The following TPTE2 variants were observed in gnomAD, a reference collection of about 807,000 sequenced individuals.
The protein encoded by TPTE2 is transmembrane phosphoinositide 3-phosphatase and tensin homolog 2.
TPTE2 carries 53 observed loss-of-function variants against 78.6 expected under a neutral mutation model. The ratio of observed to expected loss-of-function variants is 0.67; its 90% CI spans 0.54 to 0.85. TPTE2 has a LOEUF of 0.85. TPTE2 is among the 40% of genes least tolerant of loss of function. The pLI, the probability that TPTE2 is intolerant of heterozygous loss-of-function variation, is 0.00. For synonymous variants in TPTE2, 175 were observed against 206.2 expected (o/e 0.85, Z 1.30); for missense variants, 461 against 623.0 (o/e 0.74, Z 2.77).
exon 16 of TPTE2, chr13:19,432,568 A>G (rs1290589475): frequency 1.9e-6 from 3 of 1,597,930 alleles, no homozygotes; most frequent in Non-Finnish European, 2.6e-6. Flanking sequence ...AAAATATCCA[A>G]CATATCTATT....
At chr13:19,466,990 C>A (rs1879308187) in intron 7 of TPTE2, among the ~76,000 whole-genome samples, 1 of 152,118 alleles carries the variant, frequency 6.6e-6, no homozygotes, top group East Asian at 1.9e-4. Flanking sequence ...TTGGGTACTG[C>A]CATCTTCTTT....
chr13:19,436,670 C>T (rs1877113548), intron 14 of TPTE2, among the ~76,000 whole-genome samples: 1 of 152,206 alleles, frequency 6.6e-6, no homozygotes, highest in Non-Finnish European at 1.5e-5. Flanking sequence ...CTGCCTCAGC[C>T]TCCCAAAGTG....
intron 13 of TPTE2, among the ~76,000 whole-genome samples, chr13:19,441,440 C>T (rs1031170628): frequency 2.7e-4 from 41 of 150,878 alleles, no homozygotes; most frequent in Admixed American, 2.4e-3. Context: ...AATCTAAGCT[C>T]AAAAAGAAAA....
At chr13:19,468,025 CTTTTTTTTTTTTTTTTTTTTT>C (rs71092364) in intron 6 of TPTE2, among the ~76,000 whole-genome samples, 1 of 45,538 alleles carries the variant, frequency 2.2e-5, no homozygotes, top group African/African-American at 9.4e-5. Context: ...GACAGGATCT[CTTTTTTTTTTTTTTTTTTTTT>C]TTTTTTTTTT....
chr13:19,446,714 G>A (rs1450171670), intron 13 of TPTE2, among the ~76,000 whole-genome samples: 1 of 152,150 alleles, frequency 6.6e-6, no homozygotes, highest in Non-Finnish European at 1.5e-5. Flanking sequence ...GCTGAGGTGG[G>A]TGGATCACTT....
chr13:19,495,705 C>CGATATCACCATGCCTACTAG, intron 1 of TPTE2, among the ~76,000 whole-genome samples: 1 of 152,310 alleles, frequency 6.6e-6, no homozygotes, highest in South Asian at 2.1e-4. Context: ...TCGCATGGTG[C>CGATATCACCATGCCTACTAG]ATTGACCAGC....
At chr13:19,497,649 T>G (rs1424695517) in intron 1 of TPTE2, among the ~76,000 whole-genome samples, 2 of 138,264 alleles carry the variant, frequency 1.4e-5, no homozygotes, top group East Asian at 4.3e-4. Flanking sequence ...AACCCATCTG[T>G]ACATCACCAT....
intron 13 of TPTE2, among the ~76,000 whole-genome samples, chr13:19,442,567 T>G (rs1306441084): frequency 2.0e-5 from 3 of 151,632 alleles, no homozygotes; most frequent in Non-Finnish European, 4.4e-5. Flanking sequence ...GATATCATAG[T>G]AATTGATGAA....
At chr13:19,522,396 C>A (rs1312787532) in intron 1 of TPTE2, among the ~76,000 whole-genome samples, 1 of 152,122 alleles carries the variant, frequency 6.6e-6, no homozygotes, top group Non-Finnish European at 1.5e-5. Context: ...ATCCTCCACT[C>A]ACAAAATTGT....
chr13:19,549,012 T>A, the TPTE2 span, among the ~76,000 whole-genome samples: 4 of 150,738 alleles, frequency 2.7e-5, no homozygotes, highest in African/African-American at 4.9e-5. Flanking sequence ...CCCAGCTACT[T>A]GGGAGGCTGA....
intron 1 of TPTE2, among the ~76,000 whole-genome samples, chr13:19,523,539 G>A (rs549373742): frequency 2.2e-4 from 33 of 152,006 alleles, no homozygotes; most frequent in African/African-American, 5.5e-4. Context: ...GCAGTGGTGC[G>A]ATCTTGGCTC....
chr13:19,519,988 TTA>T (rs1491073151), intron 1 of TPTE2, among the ~76,000 whole-genome samples: 2 of 147,970 alleles, frequency 1.4e-5, no homozygotes, highest in Non-Finnish European at 3.0e-5. Flanking sequence ...TGTTTTGGTC[TTA>T]TTTTTTAATG....
intron 10 of TPTE2, chr13:19,458,625 T>C (rs1878691956): frequency 1.4e-5 from 7 of 483,896 alleles, no homozygotes; most frequent in Non-Finnish European, 2.9e-5. Context: ...CCATGGAGAT[T>C]AGGCCCAGTC....
chr13:19,459,076 G>T (rs1878724203), intron 10 of TPTE2, among the ~76,000 whole-genome samples: 2 of 152,008 alleles, frequency 1.3e-5, no homozygotes, highest in South Asian at 4.2e-4. Context: ...AACCTTCCCA[G>T]CATCTGTTAT....
intron 1 of TPTE2, among the ~76,000 whole-genome samples, chr13:19,526,360 T>G (rs1870496859): frequency 6.6e-6 from 1 of 151,990 alleles, no homozygotes; most frequent in Non-Finnish European, 1.5e-5. Context: ...AGCCATAAAA[T>G]AAAAACAAGA....
At chr13:19,450,437 C>T (rs1878105965) in intron 11 of TPTE2, 93 bp from the exon 15 acceptor site, 1 of 1,157,978 alleles carries the variant, frequency 8.6e-7, no homozygotes, top group Non-Finnish European at 1.2e-6. Flanking sequence ...ATTAGAATTC[C>T]TTATCTATCT....
chr13:19,424,066 G>C (rs1364271529), intron 19 of TPTE2, among the ~76,000 whole-genome samples: 2 of 152,162 alleles, frequency 1.3e-5, no homozygotes, highest in Non-Finnish European at 2.9e-5. Flanking sequence ...TTAATTTCCT[G>C]TTGCCTTGCT....
At chr13:19,537,626 A>T (rs1593428146), upstream of TPTE2, among the ~76,000 whole-genome samples, 1 of 148,322 alleles carries the variant, frequency 6.7e-6, no homozygotes, top group East Asian at 2.0e-4. Flanking sequence ...TTTTTGAGCC[A>T]GAGTCTCACT....
chr13:19,496,472 T>A (rs1157315409), intron 1 of TPTE2, among the ~76,000 whole-genome samples: 1 of 152,172 alleles, frequency 6.6e-6, no homozygotes, highest in African/African-American at 2.4e-5. Context: ...ACGTCTTTCC[T>A]TTCACCCATC....
Sources: allele counts gnomAD v4.1 joint callset (sites outside exome capture counted in the v4.1 genomes callset), GRCh38; gene constraint gnomAD v4.1.1; transcripts MANE v1.5; gene names NCBI Gene and HGNC (gene_info 2026-07-23, HGNC 2026-07-21).